The following RYR2 variants were observed in gnomAD, a reference collection of about 807,000 sequenced individuals.
The protein encoded by RYR2 is ryanodine receptor 2.
In RYR2, 227 loss-of-function variants were observed where a neutral mutation model predicts 601.1. That is an observed-to-expected ratio of 0.38 (90% CI 0.34 to 0.42). The LOEUF is 0.42. RYR2 is among the 10% of genes least tolerant of loss of function. The probability of loss-of-function intolerance (pLI) is 1.00; values close to 1 mark genes in which losing one functional copy is unlikely to be tolerated. For synonymous variants in RYR2, 2,223 were observed against 2,175.1 expected (o/e 1.02, Z -0.61); for missense variants, 4,646 against 6,156.5 (o/e 0.75, Z 8.21).
At chr1:237,166,400 A>G (rs1201504386) in intron 1 of RYR2, among the ~76,000 whole-genome samples, 1 of 152,274 alleles carries the variant, frequency 6.6e-6, no homozygotes, top group Admixed American at 6.5e-5. Flanking sequence ...ACATTTGTAC[A>G]CATGGATGGA....
chr1:237,798,776 TCACACACACA>T (rs72164792), intron 97 of RYR2, among the ~76,000 whole-genome samples: 5 of 135,208 alleles, frequency 3.7e-5, no homozygotes, highest in Admixed American at 2.2e-4. Flanking sequence ...AATTTAAATG[TCACACACACA>T]CACACACACA....
intron 101 of RYR2, among the ~76,000 whole-genome samples, chr1:237,824,789 C>A (rs976418235): frequency 6.6e-6 from 1 of 152,062 alleles, no homozygotes; most frequent in African/African-American, 2.4e-5. Context: ...ATCTCAGCCC[C>A]AAATTTCCTT....
chr1:237,548,351 G>T (rs570237727), intron 25 of RYR2, 80 bp from the exon 26 acceptor site: 6 of 1,454,254 alleles, frequency 4.1e-6, no homozygotes, highest in East Asian at 4.8e-5. Flanking sequence ...CAGTAATGAG[G>T]TAGGGCCAGA....
intron 17 of RYR2, among the ~76,000 whole-genome samples, chr1:237,486,994 A>C (rs1246157160): frequency 5.9e-5 from 9 of 152,178 alleles, no homozygotes; most frequent in African/African-American, 9.6e-5. Context: ...TTATTAAAAC[A>C]TAAAATTCAA....
chr1:237,763,625 A>G (rs755790860), intron 84 of RYR2, among the ~76,000 whole-genome samples: 45 of 152,336 alleles, frequency 3.0e-4, no homozygotes, highest in Non-Finnish European at 4.9e-4. Context: ...CATTCTATGC[A>G]GTGGAAATAA....
At chr1:237,269,072 C>T (rs1467924336) in intron 1 of RYR2, among the ~76,000 whole-genome samples, 3 of 99,010 alleles carry the variant, frequency 3.0e-5, no homozygotes, top group East Asian at 3.3e-4. Flanking sequence ...GACAGAGTTT[C>T]GCTCTTGTTG....
intron 1 of RYR2, among the ~76,000 whole-genome samples, chr1:237,182,889 C>T (rs1054468254): frequency 2.0e-5 from 3 of 152,128 alleles, no homozygotes; most frequent in Non-Finnish European, 2.9e-5. Flanking sequence ...TCCATTGAGA[C>T]TCTATCAAGG....
At chr1:237,491,628 T>A (rs1431645576) in intron 17 of RYR2, among the ~76,000 whole-genome samples, 178 bp from the exon 18 acceptor site, 1 of 152,212 alleles carries the variant, frequency 6.6e-6, no homozygotes, top group Admixed American at 6.5e-5. Flanking sequence ...CATCTTTGGA[T>A]ATTAGTCCCC....
intron 1 of RYR2, among the ~76,000 whole-genome samples, chr1:237,059,507 AG>A (rs776388831): frequency 1.3e-5 from 2 of 152,174 alleles, no homozygotes; most frequent in Non-Finnish European, 2.9e-5. Flanking sequence ...TCTATTTTTA[AG>A]GTTAGATAAA....
chr1:237,721,593 C>T (rs780468980), intron 73 of RYR2, among the ~76,000 whole-genome samples: 31 of 152,292 alleles, frequency 2.0e-4, no homozygotes, highest in South Asian at 4.1e-4. Context: ...TCTCGGTTCA[C>T]TGCAACCTCC....
chr1:237,573,923 T>C (rs1672966876), intron 29 of RYR2, among the ~76,000 whole-genome samples: 1 of 152,244 alleles, frequency 6.6e-6, no homozygotes, highest in Non-Finnish European at 1.5e-5. Flanking sequence ...GTTAACTGGA[T>C]AAAAACCAAA....
intron 20 of RYR2, among the ~76,000 whole-genome samples, chr1:237,499,391 A>C (rs1664404097): frequency 6.6e-6 from 1 of 152,166 alleles, no homozygotes; most frequent in Admixed American, 6.5e-5. Flanking sequence ...AGTGTGGAGG[A>C]ATGTACAGGA....
chr1:237,184,755 A>C (rs1679162438), intron 1 of RYR2, among the ~76,000 whole-genome samples: 1 of 152,154 alleles, frequency 6.6e-6, no homozygotes. Context: ...TTCTAGCATA[A>C]ATTTATTAGG....
intron 5 of RYR2, among the ~76,000 whole-genome samples, chr1:237,365,405 C>T (rs1323882850): frequency 6.6e-6 from 1 of 152,176 alleles, no homozygotes; most frequent in African/African-American, 2.4e-5. Context: ...ACTACCAGTG[C>T]GAATTCGGCG....
intron 12 of RYR2, among the ~76,000 whole-genome samples, chr1:237,431,900 T>G (rs952453142): frequency 2.6e-5 from 4 of 152,192 alleles, no homozygotes; most frequent in African/African-American, 4.8e-5. Context: ...ACTTTACATT[T>G]CTGTGCGACT....
intron 1 of RYR2, among the ~76,000 whole-genome samples, chr1:237,227,371 C>G (rs561572866): frequency 6.6e-6 from 1 of 152,058 alleles, no homozygotes; most frequent in Non-Finnish European, 1.5e-5. Context: ...ATGTCTTTGT[C>G]GTGAAAGCAG....
intron 65 of RYR2, among the ~76,000 whole-genome samples, chr1:237,701,012 T>C (rs999971309): frequency 6.6e-6 from 1 of 152,200 alleles, no homozygotes; most frequent in Non-Finnish European, 1.5e-5. Flanking sequence ...TTAATAAAAC[T>C]ATACACAGAA....
chr1:237,470,193 C>G (rs1315333816), intron 17 of RYR2, among the ~76,000 whole-genome samples: 2 of 152,182 alleles, frequency 1.3e-5, no homozygotes, highest in Admixed American at 1.3e-4. Flanking sequence ...TTTGTTCTTT[C>G]CGGATCTACC....
chr1:237,748,075 C>T (rs923246602), intron 80 of RYR2, among the ~76,000 whole-genome samples: 6 of 152,048 alleles, frequency 3.9e-5, no homozygotes, highest in African/African-American at 1.4e-4. Flanking sequence ...TCCTGGAAAA[C>T]ACAGGCAAAA....
Sources: gnomAD v4.1 joint callset for allele counts (sites outside exome capture counted in the v4.1 genomes callset) on GRCh38, gnomAD v4.1.1 for gene constraint, MANE v1.5 for transcripts, NCBI Gene and HGNC (gene_info 2026-07-23, HGNC 2026-07-21) for gene names.